SAMD13: variants seen among roughly 807,000 people sequenced by gnomAD.
SAMD13 encodes sterile alpha motif domain containing 13, also known as sterile alpha motif domain-containing protein 13.
A neutral mutation model predicts 12.4 loss-of-function variants in SAMD13; 9 were observed. The observed-to-expected ratio is 0.72, with a 90% CI of 0.44 to 1.26. The LOEUF (loss-of-function observed/expected upper bound fraction) is 1.26. Ranked by LOEUF, SAMD13 falls within the 50% of genes most tolerant of loss-of-function variation. The probability of loss-of-function intolerance (pLI) is 0.00; values close to 1 mark genes in which losing one functional copy is unlikely to be tolerated. For synonymous variants in SAMD13, 46 were observed against 45.4 expected, an observed-to-expected ratio of 1.01 and a Z score of -0.05; for missense variants, 84 against 119.6, an observed-to-expected ratio of 0.70 and a Z score of 1.39.
rs183742500 is a variant in SAMD13 at position 84,335,403 on chromosome 1, T to A, written c.165+9655T>A. Among the ~76,000 whole-genome samples the A allele has an allele frequency of 3.4e-3, 524 of 152,332 alleles. 2 individuals are homozygous for A. Among genetic ancestry groups the A allele is most frequent in the Middle Eastern group, 6.8e-3 (2 of 294 alleles). Reference sequence around the variant, plus strand: ...CTGTTTTCCATTTGTTAGGTTGATTTTTCATCATCCCTTTACTTTGAGCCT... The same window carrying A: ...CTGTTTTCCATTTGTTAGGTTGATTATTCATCATCCCTTTACTTTGAGCCT... On this transcript the variant is annotated intron_variant, in intron 3 of 3. Coordinates refer to ENST00000394834, the MANE Select transcript of SAMD13 (RefSeq NM_001134663.2).
At chr1:84,314,202 T>TA (rs1039934433) in intron 2 of SAMD13, among the ~76,000 whole-genome samples, 6 of 152,040 alleles carry the variant, frequency 3.9e-5, no homozygotes, top group African/African-American at 1.4e-4. Flanking sequence ...CTTAGCTCAT[T>TA]AAAAAAAGTC....
rs1285141356 is a variant in SAMD13, at chr1:84,349,872, A to C, written c.*98A>C. ...GTAAACAGAATACATACATGTGTAT[A>C]TGTAAAGAATTTCAATCAAATGAAA... On this transcript the variant is annotated 3_prime_UTR_variant, in exon 4 of 4. Coordinates refer to ENST00000394834, the MANE Select transcript of SAMD13 (RefSeq NM_001134663.2). 26 of 1,474,822 alleles carry C rather than the reference A, an allele frequency of 1.8e-5. No homozygotes were observed. Among genetic ancestry groups the C allele is most frequent in the Non-Finnish European group, 2.3e-5 (26 of 1,114,796 alleles). The allele number at this position is 1,474,822 out of a possible 1,614,324, so 91.4% of individuals were successfully genotyped here.
chr1:84,346,377 G>A (rs1375212182), intron 3 of SAMD13, among the ~76,000 whole-genome samples: 1 of 152,230 alleles, frequency 6.6e-6, no homozygotes, highest in Middle Eastern at 3.4e-3. Context: ...ATTGTTTATT[G>A]CCCAACGGGA....
intron 2 of SAMD13, among the ~76,000 whole-genome samples, chr1:84,310,931 G>C (rs777677630): frequency 1.3e-5 from 2 of 152,092 alleles, no homozygotes; most frequent in Non-Finnish European, 2.9e-5. Flanking sequence ...CTAAAATTTT[G>C]TTCCTCTTTA....
intron 3 of SAMD13, among the ~76,000 whole-genome samples, chr1:84,333,161 C>T (rs974060933): frequency 3.3e-5 from 5 of 152,072 alleles, no homozygotes; most frequent in African/African-American, 1.2e-4. Context: ...CCTCCAGCTT[C>T]TTTTTGCTTA....
At chr1:84,315,250 C>T (rs1052927753) in intron 2 of SAMD13, among the ~76,000 whole-genome samples, 1 of 152,064 alleles carries the variant, frequency 6.6e-6, no homozygotes, top group African/African-American at 2.4e-5. Context: ...CCCCCTTTCC[C>T]CCTTCCTTTA....
intron 2 of SAMD13, among the ~76,000 whole-genome samples, chr1:84,324,560 A>T (rs1174096692): frequency 6.6e-6 from 1 of 152,130 alleles, no homozygotes; most frequent in African/African-American, 2.4e-5. Flanking sequence ...TCCCCACAGG[A>T]CTGTAAGGCC....
At chr1:84,315,750 G>A (rs1690702) in intron 2 of SAMD13, among the ~76,000 whole-genome samples, 147,100 of 152,276 alleles carry the variant, frequency 0.97, 71,155 homozygotes, top group Non-Finnish European at 1. Flanking sequence ...GGATTGCTAT[G>A]TCACATAGTA....
chr1:84,345,314 A>G (rs1457378396), intron 3 of SAMD13: 1 of 434,084 alleles, frequency 2.3e-6, no homozygotes, highest in Non-Finnish European at 4.6e-6. Context: ...GGAGATTTTC[A>G]TATGAGGCTG....
chr1:84,322,608 T>C (rs1322116752), intron 2 of SAMD13, among the ~76,000 whole-genome samples: 4 of 152,204 alleles, frequency 2.6e-5, no homozygotes, highest in South Asian at 2.1e-4. Context: ...TCTCAGGATA[T>C]CGATAGTCTA....
chr1:84,330,734 T>C (rs1679160919), intron 3 of SAMD13, among the ~76,000 whole-genome samples: 1 of 152,168 alleles, frequency 6.6e-6, no homozygotes, highest in Non-Finnish European at 1.5e-5. Context: ...TCTTTGTCTG[T>C]TTGACTCACA....
At chr1:84,334,913 C>T (rs1020151084) in intron 3 of SAMD13, among the ~76,000 whole-genome samples, 1 of 151,974 alleles carries the variant, frequency 6.6e-6, no homozygotes, top group African/African-American at 2.4e-5. Context: ...TTTGAGAGTA[C>T]AGTTGGTATA....
intron 2 of SAMD13, among the ~76,000 whole-genome samples, chr1:84,321,894 C>G (rs954769576): frequency 1.2e-4 from 19 of 152,268 alleles, no homozygotes; most frequent in African/African-American, 4.6e-4. Flanking sequence ...ACTGGAAGAG[C>G]CCAGTGAAAT....
rs17131618 is a variant in SAMD13, at chr1:84,350,388, G to A, written c.*614G>A. 5,735 of 152,260 alleles carry A rather than the reference G, an allele frequency of 0.038. 133 individuals are homozygous for A. Among genetic ancestry groups the A allele is most frequent in the South Asian group, 0.076 (369 of 4,828 alleles). The allele number at this position is 152,260 out of a possible 1,614,324, so 9.4% of individuals were successfully genotyped here. On this transcript the variant is annotated 3_prime_UTR_variant, in exon 4 of 4. Coordinates refer to ENST00000394834, the MANE Select transcript of SAMD13 (RefSeq NM_001134663.2). ...TCATAGCTCTGAAAAGAGAAGCTCCGTTGTGTACTGAGGATATCCATCCAT... is the reference window on the plus strand; with the variant it reads ...TCATAGCTCTGAAAAGAGAAGCTCCATTGTGTACTGAGGATATCCATCCAT...
upstream of SAMD13, among the ~76,000 whole-genome samples, chr1:84,301,294 G>A (rs1003736517): frequency 1.3e-5 from 2 of 152,196 alleles, no homozygotes; most frequent in East Asian, 1.9e-4. Flanking sequence ...TGCAGCTTCC[G>A]AGTGTTCTCT....
At chr1:84,341,999 G>A (rs964087981) in intron 3 of SAMD13, among the ~76,000 whole-genome samples, 1 of 152,200 alleles carries the variant, frequency 6.6e-6, no homozygotes, top group African/African-American at 2.4e-5. Flanking sequence ...AGACCCAGGT[G>A]AAGGAGGCCT....
intron 2 of SAMD13, among the ~76,000 whole-genome samples, chr1:84,322,757 G>A (rs1407444796): frequency 6.6e-6 from 1 of 152,028 alleles, no homozygotes; most frequent in Non-Finnish European, 1.5e-5. Flanking sequence ...CCATATGAAA[G>A]AGTGCCCCGT....
chr1:84,318,136 T>A (rs1366066548), intron 2 of SAMD13, among the ~76,000 whole-genome samples: 1 of 152,088 alleles, frequency 6.6e-6, no homozygotes, highest in African/African-American at 2.4e-5. Flanking sequence ...CAAGTCTGAG[T>A]TGATTTTATC....
chr1:84,328,985 C>A (rs1407769076), intron 3 of SAMD13, among the ~76,000 whole-genome samples: 1 of 152,134 alleles, frequency 6.6e-6, no homozygotes, highest in Admixed American at 6.6e-5. Context: ...CTTATTGTTT[C>A]ATGGCTATTA....
Sources: gnomAD v4.1 joint callset for allele counts (sites outside exome capture counted in the v4.1 genomes callset) on GRCh38, gnomAD v4.1.1 for gene constraint, MANE v1.5 for transcripts, NCBI Gene and HGNC (gene_info 2026-07-23, HGNC 2026-07-21) for gene names.